The following PTCH1 variants were observed in gnomAD, a reference collection of about 807,000 sequenced individuals.
The protein encoded by PTCH1 is protein patched homolog 1.
PTCH1 carries 14 observed loss-of-function variants against 144.6 expected under a neutral mutation model. The ratio of observed to expected loss-of-function variants is 0.10; its 90% CI spans 0.06 to 0.15. PTCH1 has a LOEUF of 0.15. Among genes scored for constraint, PTCH1 ranks in the 10% least tolerant of loss-of-function variants. The pLI is 1.00. For synonymous variants in PTCH1, 833 were observed against 793.6 expected, an observed-to-expected ratio of 1.05 and a Z score of -0.83; for missense variants, 1,623 against 1,948.3, an observed-to-expected ratio of 0.83 and a Z score of 3.14.
chr9:95,494,622 G>T (rs1446873701), intron 2 of PTCH1, among the ~76,000 whole-genome samples: 2 of 152,184 alleles, frequency 1.3e-5, no homozygotes, highest in African/African-American at 4.8e-5. Flanking sequence ...AGGTCCCGTC[G>T]CTCTGCAGGA....
At chr9:95,446,604 CA>C in intron 23 of PTCH1, 1 of 500,398 alleles carries the variant, frequency 2.0e-6, no homozygotes, top group Non-Finnish European at 3.7e-6. Context: ...TTCGCTGTGG[CA>C]TGCACCTCCA....
chr9:95,446,681 C>G (rs1463220878), intron 23 of PTCH1: 1 of 623,740 alleles, frequency 1.6e-6, no homozygotes, highest in Admixed American at 2.6e-5. Flanking sequence ...CACCGACCCT[C>G]CGCAGGTTAG....
upstream of PTCH1, among the ~76,000 whole-genome samples, chr9:95,513,234 T>C (rs1844233170): frequency 6.6e-6 from 1 of 152,258 alleles, no homozygotes; most frequent in South Asian, 2.1e-4. Flanking sequence ...AACTTTTCAC[T>C]GGTTTCTCAG....
Position 95,443,206 on chromosome 9 carries a change from A to G in PTCH1, c.*3187T>C, listed in dbSNP as rs529571523. 30 of 152,278 alleles carry G rather than the reference A, an allele frequency of 2.0e-4. 1 individual carries two copies. The highest frequency in any genetic ancestry group is 1.7e-3 in the Admixed American group (26 of 15,288). The allele number at this position is 152,278 out of a possible 1,614,324, so 9.4% of individuals were successfully genotyped here. A position where few individuals can be genotyped will look rare whatever the true frequency, so the allele number is the denominator to read the frequency against. On this transcript the variant is annotated 3_prime_UTR_variant, in exon 24 of 24. Transcript: ENST00000331920. ...CTAAAAGCTCAGCCCCCACTTTGTA[A>G]TACATCCATGTAACAGAGCTATGCT... is the stretch of plus-strand genomic sequence containing the variant.
At chr9:95,469,257 C>T in intron 13 of PTCH1, 104 bp from the exon 14 acceptor site, 1 of 1,454,706 alleles carries the variant, frequency 6.9e-7, no homozygotes, top group Non-Finnish European at 9.5e-7. Context: ...TTTTACACAG[C>T]TCTGACTTAG....
chr9:95,483,335 G>T (rs1285829308), intron 3 of PTCH1: 2 of 150,234 alleles, frequency 1.3e-5, no homozygotes, highest in African/African-American at 4.9e-5. Flanking sequence ...ATCTTTCCAG[G>T]TGTGTTAGGG....
chr9:95,458,163 C>T lies in PTCH1; in HGVS notation c.3018G>A (p.Leu1006=), dbSNP rs863224350. The change falls in exon 18 of 24, where the codon CTG becomes CTA. Residue 1006 remains leucine, a synonymous_variant. Coordinates refer to ENST00000331920, the MANE Select transcript of PTCH1 (RefSeq NM_000264.5). This position sits in a 1 kb window ranked among gnomAD's most constrained non-coding sequence, Gnocchi z 4.7. ...TICSNYTSLG[L]SSYPNGYPFL... is the part of the protein sequence containing the mutation. The stretch of plus-strand genomic sequence containing the variant: ...AGGGGTAGCCGTTGGGGTAACTGGA[C>T]AGCCCCAGGCTCGTATAGTTGCTGC... 6.2e-7 allele frequency: 1 copy of T among 1,614,244 alleles called. No individual in the cohort carries two copies. The highest frequency in any genetic ancestry group is 1.3e-5 in the African/African-American group (1 of 75,066).
rs45529536 is a variant in PTCH1 at position 95,447,302 on chromosome 9, C to G, written c.3954G>C (p.Pro1318=). 6.2e-7 allele frequency: 1 copy of G among 1,612,992 alleles called. No homozygotes were observed. The highest frequency in any genetic ancestry group is 1.1e-5 in the South Asian group (1 of 91,088). The part of the protein sequence containing the change: ...REGLWPPPYR[P]RRDAFEISTE... ...TAGAAATTTCAAAAGCGTCTCTGCG[C>G]GGTCTGTAGGGGGGTGGCCACAAGC... The change falls in exon 23 of 24, where the codon CCG becomes CCC. Residue 1318 remains proline (P), a synonymous_variant. Coordinates refer to ENST00000331920, the MANE Select transcript of PTCH1 (RefSeq NM_000264.5).
intron 13 of PTCH1, 68 bp downstream of exon 13, chr9:95,469,745 G>GC (rs1356724959): frequency 2.4e-5 from 33 of 1,401,512 alleles, no homozygotes; most frequent in Admixed American, 1.0e-4. Flanking sequence ...AAGTCCACAG[G>GC]CTGAAAGAGT....
At chr9:95,466,983 G>A (rs1316969336) in intron 15 of PTCH1, 133 bp downstream of exon 15, 7 of 995,708 alleles carry the variant, frequency 7.0e-6, no homozygotes, top group Non-Finnish European at 1.0e-5. Flanking sequence ...AGAATCTTGA[G>A]CAACTCTTAA....
intron 14 of PTCH1, among the ~76,000 whole-genome samples, chr9:95,467,848 C>A (rs967824039): frequency 6.6e-6 from 1 of 152,052 alleles, no homozygotes; most frequent in Admixed American, 6.5e-5. Context: ...CTCAGGTGAT[C>A]CACCCACCTC....
At position 95,482,409 on chromosome 9, in the gene PTCH1, GT is replaced by G. The variant is rs1841618428; in HGVS notation, c.585-207del. The G allele has an allele frequency of 2.3e-4, 136 of 597,762 alleles. 2 individuals are homozygous for G. The South Asian group carries it at 2.7e-3, about 12-fold the overall frequency. 37.0% of individuals were successfully genotyped at this position (597,762 alleles called of 1,614,324 possible). A position where few individuals can be genotyped will look rare whatever the true frequency, so the allele number is the denominator to read the frequency against. ...CTCAATCGTAATTAACATGTAGGGTGTTTATGTAAATGAATGCTACCAAAGT... is the reference window on the plus strand; with the variant it reads ...CTCAATCGTAATTAACATGTAGGGTGTTATGTAAATGAATGCTACCAAAGT... On this transcript the variant is annotated intron_variant, in intron 3 of 23. Transcript: ENST00000331920.
chr9:95,493,800 A>G lies in PTCH1; in HGVS notation c.395-7926T>C, dbSNP rs575534768. ...ACTGCCTCTTTTTTATAATCGAAAA[A>G]CAAAAAAAAAAGAAAATTCAGTAAT... is the stretch of plus-strand genomic sequence containing the variant. On this transcript the variant is annotated intron_variant, in intron 2 of 23. Transcript: ENST00000331920. Among the ~76,000 whole-genome samples, 10 of 149,206 alleles carry G rather than the reference A, an allele frequency of 6.7e-5. No homozygotes were observed. In the East Asian group the frequency reaches 1.2e-3, roughly 17 times the overall value.
chr9:95,462,802 G>A lies in PTCH1; in HGVS notation c.2561-804C>T, dbSNP rs552783551. 2.0e-5 allele frequency among the ~76,000 whole-genome samples: 3 copies of A among 152,306 alleles called. No homozygotes were observed. In the East Asian group the frequency reaches 5.8e-4, roughly 29 times the overall value. ...GAGGAAAGAGCTTTCTGGGCCTGGG[G>A]GATGGGCGAGCCCGCCAGCACACCA... On this transcript the variant is annotated intron_variant, in intron 15 of 23. Coordinates refer to ENST00000331920, the MANE Select transcript of PTCH1 (RefSeq NM_000264.5).
At chr9:95,516,950 C>A (rs963827173) in exon 1 of PTCH1, 5 of 727,350 alleles carry the variant, frequency 6.9e-6, no homozygotes, top group Non-Finnish European at 1.1e-5. Flanking sequence ...GTGCTATCAG[C>A]ACAGCCCTCC....
intron 2 of PTCH1, among the ~76,000 whole-genome samples, chr9:95,493,851 G>A (rs1284356502): frequency 6.6e-6 from 1 of 152,002 alleles, no homozygotes. Context: ...AAAATTCACG[G>A]GCTGTGAATT....
At chr9:95,491,503 C>T (rs1481909456) in intron 2 of PTCH1, among the ~76,000 whole-genome samples, 1 of 152,196 alleles carries the variant, frequency 6.6e-6, no homozygotes, top group East Asian at 1.9e-4. Flanking sequence ...TCACCCATGC[C>T]TTTGTCACAG....
intron 2 of PTCH1, among the ~76,000 whole-genome samples, chr9:95,490,947 A>T (rs1842357106): frequency 6.6e-6 from 1 of 152,234 alleles, no homozygotes; most frequent in South Asian, 2.1e-4. Flanking sequence ...TGATCATTAC[A>T]CATCATATGC....
At chr9:95,468,636 A>G (rs1398589676) in intron 14 of PTCH1, 115 bp downstream of exon 14, 1 of 1,390,744 alleles carries the variant, frequency 7.2e-7, no homozygotes, top group Non-Finnish European at 1.0e-6. Flanking sequence ...ATCATACTTA[A>G]ACGAAATTTT....
Sources: allele counts gnomAD v4.1 joint callset (sites outside exome capture counted in the v4.1 genomes callset), GRCh38; gene constraint gnomAD v4.1.1; non-coding constraint Gnocchi (gnomAD v3.1); transcripts MANE v1.5; gene names NCBI Gene and HGNC (gene_info 2026-07-23, HGNC 2026-07-21).